ATP8A1: variants seen among roughly 807,000 people sequenced by gnomAD.
The protein encoded by ATP8A1 is phospholipid-transporting ATPase IA.
ATP8A1 carries 90 observed loss-of-function variants against 177.7 expected under a neutral mutation model. That is an observed-to-expected ratio of 0.51 (90% CI 0.43 to 0.60). The LOEUF (loss-of-function observed/expected upper bound fraction) is 0.60, where lower values mean the gene tolerates loss of function less well. Ranked by LOEUF, ATP8A1 falls within the 20% of genes least tolerant of loss-of-function variation. The probability of loss-of-function intolerance (pLI) is 0.00; values close to 1 mark genes in which losing one functional copy is unlikely to be tolerated. For missense variants in ATP8A1, 1,072 were observed against 1,392.8 expected, an observed-to-expected ratio of 0.77 and a Z score of 3.67; for synonymous variants, 493 against 485.9, an observed-to-expected ratio of 1.01 and a Z score of -0.19.
At chr4:42,570,686 C>A (rs546008022) in intron 14 of ATP8A1, among the ~76,000 whole-genome samples, 8 of 152,350 alleles carry the variant, frequency 5.3e-5, no homozygotes, top group African/African-American at 1.9e-4. Context: ...ATCCTATATG[C>A]AAGTTTCCCT....
chr4:42,628,943 C>A (rs376602916), intron 1 of ATP8A1, among the ~76,000 whole-genome samples: 3 of 152,142 alleles, frequency 2.0e-5, no homozygotes, highest in African/African-American at 7.2e-5. Context: ...TTGAGGGCCC[C>A]GCCCTTGGAT....
At chr4:42,458,385 A>G (rs1577971350) in intron 27 of ATP8A1, among the ~76,000 whole-genome samples, 1 of 152,312 alleles carries the variant, frequency 6.6e-6, no homozygotes, top group Middle Eastern at 3.4e-3. Context: ...GCTTCTGGAA[A>G]TTAGAAACAC....
At chr4:42,448,659 A>C (rs917461332) in intron 30 of ATP8A1, among the ~76,000 whole-genome samples, 1 of 151,074 alleles carries the variant, frequency 6.6e-6, no homozygotes, top group Non-Finnish European at 1.5e-5. Flanking sequence ...TGGGCTCCCG[A>C]AGTGCTGGGA....
At chr4:42,532,141 C>A (rs1351856626) in intron 20 of ATP8A1, among the ~76,000 whole-genome samples, 1 of 151,926 alleles carries the variant, frequency 6.6e-6, no homozygotes, top group African/African-American at 2.4e-5. Context: ...CACACAGACA[C>A]ACACACACAT....
chr4:42,515,404 A>T (rs1287279788), intron 22 of ATP8A1, among the ~76,000 whole-genome samples: 1 of 152,234 alleles, frequency 6.6e-6, no homozygotes, highest in Non-Finnish European at 1.5e-5. Context: ...GCTCAAGAAA[A>T]GTCCTGTTTT....
intron 19 of ATP8A1, among the ~76,000 whole-genome samples, chr4:42,547,900 A>G (rs1397797183): frequency 6.6e-6 from 1 of 152,222 alleles, no homozygotes; most frequent in Non-Finnish European, 1.5e-5. Flanking sequence ...AAAATGATGG[A>G]CACTTATTTC....
At chr4:42,610,586 A>G (rs1181938551) in intron 5 of ATP8A1, among the ~76,000 whole-genome samples, 1 of 150,320 alleles carries the variant, frequency 6.7e-6, no homozygotes, top group African/African-American at 2.4e-5. Flanking sequence ...TGTGTGCAAA[A>G]AAAAAAAAAA....
At chr4:42,596,803 G>A (rs757212484) in intron 6 of ATP8A1, among the ~76,000 whole-genome samples, 3 of 152,024 alleles carry the variant, frequency 2.0e-5, no homozygotes, top group East Asian at 3.8e-4. Context: ...AGAAGAATAC[G>A]TTGATTCCAA....
chr4:42,567,364 C>A (rs1731460508), intron 15 of ATP8A1, among the ~76,000 whole-genome samples: 1 of 152,070 alleles, frequency 6.6e-6, no homozygotes, highest in South Asian at 2.1e-4. Flanking sequence ...CATAGTAAAA[C>A]CCCATCTCTG....
Position 42,416,066 on chromosome 4 carries a change from T to C in ATP8A1, c.3306-1348A>G, listed in dbSNP as rs117780455. 1.4e-4 allele frequency among the ~76,000 whole-genome samples: 22 copies of C among 152,336 alleles called. No homozygotes were observed. In the East Asian group the frequency reaches 4.2e-3, roughly 29 times the overall value. On this transcript the variant is annotated intron_variant, in intron 35 of 36. Transcript: ENST00000381668. ...GTTCTGCAAATAGTTGTAAAACTTG[T>C]TTCTGTCAGTGAAATAAACAGATAT...
chr4:42,481,945 G>A (rs1721713058), intron 25 of ATP8A1, among the ~76,000 whole-genome samples: 1 of 152,154 alleles, frequency 6.6e-6, no homozygotes, highest in South Asian at 2.1e-4. Flanking sequence ...TAAATTAGAT[G>A]CATTCAGGTT....
At chr4:42,554,327 A>AT (rs1560452560) in intron 16 of ATP8A1, among the ~76,000 whole-genome samples, 1 of 152,186 alleles carries the variant, frequency 6.6e-6, no homozygotes, top group Non-Finnish European at 1.5e-5. Context: ...TTGGTGACTC[A>AT]GAGATCTGGA....
chr4:42,554,357 A>C (rs1729832792), intron 16 of ATP8A1, among the ~76,000 whole-genome samples: 1 of 152,238 alleles, frequency 6.6e-6, no homozygotes, highest in Non-Finnish European at 1.5e-5. Context: ...AAAAGAAGGC[A>C]TCAAAGACAA....
intron 24 of ATP8A1, among the ~76,000 whole-genome samples, chr4:42,502,186 T>C (rs1283026366): frequency 6.6e-6 from 1 of 152,142 alleles, no homozygotes; most frequent in East Asian, 1.9e-4. Context: ...ACAGACATAG[T>C]TCCTGCTTTT....
In ATP8A1 at chr4:42,445,714, C is replaced by A. The variant is rs981142442; in HGVS notation, c.2958+869G>T. On this transcript the variant is annotated intron_variant, in intron 31 of 36. Coordinates refer to ENST00000381668, the MANE Select transcript of ATP8A1 (RefSeq NM_006095.2). ...GCTTTCTCAGCAGGATAGCTAATGG[C>A]AATTTAGGTTATTTGTTAAAATAAA... Among the ~76,000 whole-genome samples the A allele has an allele frequency of 2.0e-5, 3 of 152,224 alleles. 1 individual carries two copies. In the Middle Eastern group the frequency reaches 0.01, roughly 518 times the overall value.
chr4:42,557,568 A>C (rs1482095064), intron 15 of ATP8A1, among the ~76,000 whole-genome samples: 1 of 152,220 alleles, frequency 6.6e-6, no homozygotes, highest in Non-Finnish European at 1.5e-5. Flanking sequence ...TCATTTTATA[A>C]ATCAGTTACT....
rs144536003 is a variant in ATP8A1, at chr4:42,551,125, G to A, written c.1602+73C>T. On this transcript the variant is annotated intron_variant, in intron 18 of 36. Coordinates refer to ENST00000381668, the MANE Select transcript of ATP8A1 (RefSeq NM_006095.2). ...CCTCTATTTTACTATGAGCCTTTTG[G>A]TATTACTTTATCTTTGAAGCTATGC... The A allele has an allele frequency of 3.6e-5, 45 of 1,244,172 alleles. No homozygotes were observed. In the East Asian group the frequency reaches 6.5e-4, roughly 18 times the overall value. The allele number at this position is 1,244,172 out of a possible 1,614,324, so 77.1% of individuals were successfully genotyped here.
chr4:42,625,766 CACTT>C (rs1291446189), intron 2 of ATP8A1, 53 bp from the exon 3 acceptor site: 1 of 1,113,482 alleles, frequency 9.0e-7, no homozygotes, highest in East Asian at 2.5e-5. Flanking sequence ...TTAGCACCCA[CACTT>C]ACAAAGTTCT....
At chr4:42,506,907 T>C in intron 23 of ATP8A1, 109 bp downstream of exon 23, 1 of 1,304,166 alleles carries the variant, frequency 7.7e-7, no homozygotes, top group Non-Finnish European at 1.1e-6. Context: ...AATATTCCAA[T>C]CTTGACATAT....
Sources: allele counts gnomAD v4.1 joint callset (sites outside exome capture counted in the v4.1 genomes callset), GRCh38; gene constraint gnomAD v4.1.1; transcripts MANE v1.5; gene names NCBI Gene and HGNC (gene_info 2026-07-23, HGNC 2026-07-21).